Variants in CCNG2 observed in about 807,000 individuals in gnomAD.
CCNG2 encodes the protein cyclin G2.
In CCNG2, 20 loss-of-function variants were observed where a neutral mutation model predicts 36.5. That is an observed-to-expected ratio of 0.55 (90% CI 0.39 to 0.80). The LOEUF (loss-of-function observed/expected upper bound fraction) is 0.80. CCNG2 is among the 30% of genes least tolerant of loss of function. CCNG2 has a pLI of 0.00. For synonymous variants in CCNG2, 155 were observed against 140.1 expected (o/e 1.11, Z -0.75); for missense variants, 358 against 390.8 (o/e 0.92, Z 0.71).
chr4:77,158,316 C>T (rs1429435205), intron 1 of CCNG2: 2 of 562,984 alleles, frequency 3.6e-6, no homozygotes, highest in East Asian at 3.0e-5. Flanking sequence ...CAGCGCTGGC[C>T]GGCGGACCTG....
intron 7 of CCNG2, 35 bp from the exon 8 acceptor site, chr4:77,165,766 T>C (rs1245300505): frequency 1.3e-6 from 2 of 1,518,510 alleles, no homozygotes; most frequent in African/African-American, 2.8e-5. Context: ...TTTTAAGTAA[T>C]GGTATCCTCT....
At chr4:77,158,361 C>A (rs1045547782) in intron 1 of CCNG2, 172 bp from the exon 2 acceptor site, 2 of 614,640 alleles carry the variant, frequency 3.3e-6, no homozygotes, top group African/African-American at 1.9e-5. Flanking sequence ...CCTCCCTGGC[C>A]GTGGTGGGGA....
chr4:77,163,641 A>C (rs1320080208), intron 6 of CCNG2, among the ~76,000 whole-genome samples: 2 of 152,230 alleles, frequency 1.3e-5, no homozygotes, highest in African/African-American at 4.8e-5. Context: ...TGATTCGTTG[A>C]AATAAACTGA....
rs200354808 is a variant in CCNG2, at chr4:77,158,698, C to G, written c.138+28C>G. On this transcript the variant is annotated intron_variant, in intron 2 of 7. Transcript: ENST00000316355. ...AAGTTGGCAGAAAAGATAACTTGCTCAAGCAGCTGATGGGGCTTGGAGGAG... is the reference window on the plus strand; with the variant it reads ...AAGTTGGCAGAAAAGATAACTTGCTGAAGCAGCTGATGGGGCTTGGAGGAG... The G allele has an allele frequency of 1.9e-3, 3,054 of 1,613,058 alleles. 5 individuals are homozygous for G. Among genetic ancestry groups the G allele is most frequent in the Non-Finnish European group, 2.3e-3 (2,764 of 1,179,336 alleles).
intron 7 of CCNG2, among the ~76,000 whole-genome samples, chr4:77,165,252 C>A (rs1262615590): frequency 6.6e-6 from 1 of 152,166 alleles, no homozygotes; most frequent in African/African-American, 2.4e-5. Context: ...GCAAGAAATA[C>A]ATCTAAATAG....
Position 77,158,638 on chromosome 4 carries a change from A to G in CCNG2, c.106A>G (p.Lys36Glu). ...AGAAGAGAGATTCCAACCTCGAGAA[A>G]AAGGGCTGAGTTTGATTGAGGCTAC... ...EQEERFQPREKGLSLIEATPE... is the reference protein window; with the variant it reads ...EQEERFQPREEGLSLIEATPE... The change falls in exon 2 of 8, where the codon AAA (lysine) becomes GAA (glutamate). Residue 36 changes from lysine to glutamate, a missense_variant. Lys to Glu is a moderately conservative substitution (Grantham distance 56). Transcript: ENST00000316355. 2.5e-6 allele frequency: 4 copies of G among 1,614,182 alleles called. No individual in the cohort carries two copies. The highest frequency in any genetic ancestry group is 2.5e-6 in the Non-Finnish European group (3 of 1,180,030).
rs1464390493 is a variant in CCNG2, at chr4:77,166,461, A to C, written c.*537A>C. ...GATCAGTGTCTATTTGATGTGATGC[A>C]GATCTTATAAATTTGGGAATTATAA... On this transcript the variant is annotated 3_prime_UTR_variant, in exon 8 of 8. Coordinates refer to ENST00000316355, the MANE Select transcript of CCNG2 (RefSeq NM_004354.3). The C allele has an allele frequency of 6.6e-6, 1 of 152,186 alleles. No individual in the cohort carries two copies. The highest frequency in any genetic ancestry group is 1.5e-5 in the Non-Finnish European group (1 of 68,040). 9.4% of individuals were successfully genotyped at this position (152,186 alleles called of 1,614,324 possible).
chr4:77,159,826 C>T (rs757177088), intron 3 of CCNG2, among the ~76,000 whole-genome samples: 1 of 152,212 alleles, frequency 6.6e-6, no homozygotes, highest in Non-Finnish European at 1.5e-5. Flanking sequence ...TCATGCTTCT[C>T]TTGAAGCCAG....
chr4:77,158,405 C>A, intron 1 of CCNG2, 128 bp from the exon 2 acceptor site: 1 of 893,042 alleles, frequency 1.1e-6, no homozygotes, highest in Non-Finnish European at 1.8e-6. Flanking sequence ...TGACTGGTCC[C>A]TTCACCCGCT....
At chr4:77,160,698 G>C in intron 3 of CCNG2, 23 bp from the exon 4 acceptor site, 1 of 1,603,202 alleles carries the variant, frequency 6.2e-7, no homozygotes, top group African/African-American at 1.3e-5. Context: ...GTTGTTAAAA[G>C]AAGCCTCTTG....
At chr4:77,157,875 G>A (rs999201048) in intron 1 of CCNG2, among the ~76,000 whole-genome samples, 5 of 152,092 alleles carry the variant, frequency 3.3e-5, no homozygotes, top group African/African-American at 1.2e-4. Context: ...CTACGGGCGC[G>A]GGGCGGGCGG....
In CCNG2 at chr4:77,168,778, C is replaced by T. The variant is rs564796187; in HGVS notation, c.*2854C>T. ...CCTGGTTATACCCTCCTGTGCCATT[C>T]AACCAGGTGGCTTTCCCATGACTGT... On this transcript the variant is annotated 3_prime_UTR_variant, in exon 8 of 8. Transcript: ENST00000316355. The T allele has an allele frequency of 2.6e-5, 4 of 152,226 alleles. No homozygotes were observed. The highest frequency in any genetic ancestry group is 5.9e-5 in the Non-Finnish European group (4 of 68,070). The allele number at this position is 152,226 out of a possible 1,614,324, so 9.4% of individuals were successfully genotyped here.
Position 77,158,628 on chromosome 4 carries a change from A to G in CCNG2, c.96A>G (p.Gln32=). The change falls in exon 2 of 8, where the codon CAA becomes CAG. Residue 32 remains glutamine, a synonymous_variant. Transcript: ENST00000316355. ...NVYLEQEERF[Q]PREKGLSLIE... ...ACCTGGAACAAGAAGAGAGATTCCA[A>G]CCTCGAGAAAAAGGGCTGAGTTTGA... The G allele has an allele frequency of 2.5e-6, 4 of 1,614,084 alleles. No individual in the cohort carries two copies. Among genetic ancestry groups the G allele is most frequent in the Non-Finnish European group, 3.4e-6 (4 of 1,180,010 alleles).
At position 77,159,432 on chromosome 4, in the gene CCNG2, C is replaced by A; in HGVS notation, c.204C>A (p.Asn68Lys). ...AKVEDLRSLA[N>K]FFGSCTETFV... ...TTGAAGATTTAAGGAGTTTAGCCAA[C>A]TTTTTTGGATCTTGCACTGAAACTT... Residue 68 changes from asparagine (N) to lysine (K), a missense_variant, in exon 3 of 8, where the codon AAC (asparagine) becomes AAA (lysine). Coordinates refer to ENST00000316355, the MANE Select transcript of CCNG2 (RefSeq NM_004354.3). 1 of 1,613,918 alleles carries A rather than the reference C, an allele frequency of 6.2e-7. No homozygotes were observed. Among genetic ancestry groups the A allele is most frequent in the Non-Finnish European group, 8.5e-7 (1 of 1,179,900 alleles).
At position 77,159,493 on chromosome 4, in the gene CCNG2, G is replaced by A; in HGVS notation, c.265G>A (p.Ala89Thr). 1 of 1,612,718 alleles carries A rather than the reference G, an allele frequency of 6.2e-7. No individual in the cohort carries two copies. The highest frequency in any genetic ancestry group is 8.5e-7 in the Non-Finnish European group (1 of 1,179,582). ...LAVNILDRFL[A>T]LMKVKPKHLS... ...TGTCAATATTTTGGACAGGTTCTTG[G>A]CTCTTATGAAGGTATTTCATCATTT... is the stretch of plus-strand genomic sequence containing the variant. The change falls in exon 3 of 8, where the codon GCT becomes ACT. Residue 89 changes from alanine (A) to threonine (T), a missense_variant. Transcript: ENST00000316355.
chr4:77,162,244 A>C (rs1731458887), intron 6 of CCNG2, among the ~76,000 whole-genome samples: 1 of 152,228 alleles, frequency 6.6e-6, no homozygotes, highest in Non-Finnish European at 1.5e-5. Context: ...GATATAAAAC[A>C]AAAGCACAAT....
intron 7 of CCNG2, among the ~76,000 whole-genome samples, chr4:77,165,564 C>T (rs1731607473): frequency 6.6e-6 from 1 of 151,870 alleles, no homozygotes. Flanking sequence ...ACTTCGGCCT[C>T]CCAAAGTGCT....
chr4:77,162,376 ATTTTTT>A (rs35692387), intron 6 of CCNG2, among the ~76,000 whole-genome samples: 3 of 71,424 alleles, frequency 4.2e-5, no homozygotes, highest in African/African-American at 1.1e-4. Context: ...GTACTTTGGG[ATTTTTT>A]TTTTTTTTTT....
chr4:77,166,441 G>T lies in CCNG2; in HGVS notation c.*517G>T, dbSNP rs4150096. The T allele has an allele frequency of 2.0e-5, 3 of 152,102 alleles. No individual in the cohort carries two copies. Among genetic ancestry groups the T allele is most frequent in the Non-Finnish European group, 2.9e-5 (2 of 68,022 alleles). The allele number at this position is 152,102 out of a possible 1,614,324, so 9.4% of individuals were successfully genotyped here. ...TGTTGTTTTGTTTTTTAAATGATCA[G>T]TGTCTATTTGATGTGATGCAGATCT... On this transcript the variant is annotated 3_prime_UTR_variant, in exon 8 of 8. Coordinates refer to ENST00000316355, the MANE Select transcript of CCNG2 (RefSeq NM_004354.3).
Sources: allele counts gnomAD v4.1 joint callset (sites outside exome capture counted in the v4.1 genomes callset), GRCh38; gene constraint gnomAD v4.1.1; transcripts MANE v1.5; gene names NCBI Gene and HGNC (gene_info 2026-07-23, HGNC 2026-07-21).